The following CIRSR variants were observed in gnomAD, a reference collection of about 807,000 sequenced individuals.
CIRSR encodes the protein corepressor of RBPJ and splicing regulator, also known as CBF1 (RBPJ) interacting corepressor 1.
the CIRSR span, among the ~76,000 whole-genome samples, chr2:174,368,781 A>G: frequency 6.6e-6 from 1 of 152,240 alleles, no homozygotes; most frequent in African/African-American, 2.4e-5. Context: ...ATGAGCAGTA[A>G]GATTTTAAAA....
At chr2:174,384,901 C>CT in the CIRSR span, among the ~76,000 whole-genome samples, 1 of 152,022 alleles carries the variant, frequency 6.6e-6, no homozygotes, top group African/African-American at 2.4e-5. Context: ...TTGTATGTAT[C>CT]TAGACAGAAT....
the CIRSR span, among the ~76,000 whole-genome samples, chr2:174,373,805 T>C: frequency 4.9e-5 from 7 of 142,384 alleles, no homozygotes; most frequent in African/African-American, 1.8e-4. Flanking sequence ...TTACCACCTT[T>C]CCTTTTCCTC....
At chr2:174,351,794 G>A in the CIRSR span, 1 of 1,124,786 alleles carries the variant, frequency 8.9e-7, no homozygotes, top group Non-Finnish European at 1.3e-6. Context: ...TCCACAGTAG[G>A]AATGCAGTTG....
At chr2:174,395,644 A>G in the CIRSR span, 3 of 1,614,224 alleles carry the variant, frequency 1.9e-6, no homozygotes, top group South Asian at 3.3e-5. Context: ...AACTAGGGAA[A>G]GCAGGGGCTA....
At chr2:174,349,141 T>C in the CIRSR span, 258 of 1,483,290 alleles carry the variant, frequency 1.7e-4, 2 homozygotes, top group East Asian at 6.2e-3. Flanking sequence ...CTATCTTTTT[T>C]CTTTTTTTTC....
the CIRSR span, among the ~76,000 whole-genome samples, chr2:174,364,187 C>T: frequency 3.9e-5 from 6 of 152,278 alleles, no homozygotes; most frequent in East Asian, 1.2e-3. Flanking sequence ...CCATGCAAGT[C>T]CAAAATCCAG....
the CIRSR span, among the ~76,000 whole-genome samples, chr2:174,388,001 A>T: frequency 1.3e-5 from 2 of 152,240 alleles, no homozygotes; most frequent in African/African-American, 4.8e-5. Flanking sequence ...GCTAAAAAAA[A>T]GAAAAGGGCA....
chr2:174,377,970 G>GT, the CIRSR span, among the ~76,000 whole-genome samples: 1 of 152,066 alleles, frequency 6.6e-6, no homozygotes. Context: ...GCTGAAGAAC[G>GT]TATGTTGATT....
At chr2:174,349,294 C>T in the CIRSR span, 6 of 646,230 alleles carry the variant, frequency 9.3e-6, no homozygotes, top group South Asian at 5.5e-5. Flanking sequence ...TGGCAGAGCG[C>T]GCTGGCTCAT....
the CIRSR span, among the ~76,000 whole-genome samples, chr2:174,374,181 C>T: frequency 6.6e-6 from 1 of 152,232 alleles, no homozygotes; most frequent in Non-Finnish European, 1.5e-5. Flanking sequence ...CATTTAAAGT[C>T]ATCCAAGTTA....
chr2:174,379,321 C>T, the CIRSR span, among the ~76,000 whole-genome samples: 462 of 152,142 alleles, frequency 3.0e-3, 1 homozygote, highest in African/African-American at 0.011. Flanking sequence ...AGAATTAGGG[C>T]GTTATGTGAA....
the CIRSR span, among the ~76,000 whole-genome samples, chr2:174,384,893 G>C: frequency 6.6e-6 from 1 of 152,058 alleles, no homozygotes; most frequent in African/African-American, 2.4e-5. Context: ...TAAAATCTTT[G>C]TATGTATCTA....
At chr2:174,366,169 G>C in the CIRSR span, among the ~76,000 whole-genome samples, 1 of 151,900 alleles carries the variant, frequency 6.6e-6, no homozygotes. Context: ...TTCCCAAACT[G>C]AAAAGAGAGA....
At chr2:174,348,225 G>A in the CIRSR span, 1 of 358,298 alleles carries the variant, frequency 2.8e-6, no homozygotes, top group Non-Finnish European at 5.0e-6. Context: ...GTTTTTATCT[G>A]GTATGGGGAA....
chr2:174,393,072 A>G, the CIRSR span, among the ~76,000 whole-genome samples: 1 of 152,214 alleles, frequency 6.6e-6, no homozygotes, highest in Non-Finnish European at 1.5e-5. Flanking sequence ...GGAAAAGAAC[A>G]GTCTAATAAG....
At chr2:174,364,817 G>A in the CIRSR span, among the ~76,000 whole-genome samples, 9 of 152,296 alleles carry the variant, frequency 5.9e-5, no homozygotes, top group Admixed American at 5.9e-4. Flanking sequence ...CCCTGGGCCT[G>A]GCACACAAAA....
At chr2:174,387,695 A>G in the CIRSR span, 2 of 1,583,054 alleles carry the variant, frequency 1.3e-6, no homozygotes, top group Non-Finnish European at 1.7e-6. Flanking sequence ...CTATTATCAT[A>G]TGATTCTTGT....
At chr2:174,370,879 C>T in the CIRSR span, among the ~76,000 whole-genome samples, 8 of 150,078 alleles carry the variant, frequency 5.3e-5, no homozygotes, top group Admixed American at 2.7e-4. Flanking sequence ...CCACTGCAAT[C>T]CATCCTGGGT....
chr2:174,356,251 A>T, the CIRSR span, among the ~76,000 whole-genome samples: 1 of 151,976 alleles, frequency 6.6e-6, no homozygotes, highest in African/African-American at 2.4e-5. Flanking sequence ...GGATCGCCTG[A>T]GTCCAGGAGT....
Sources: allele counts gnomAD v4.1 joint callset (sites outside exome capture counted in the v4.1 genomes callset), GRCh38; gene constraint gnomAD v4.1.1; transcripts MANE v1.5; gene names NCBI Gene and HGNC (gene_info 2026-07-23, HGNC 2026-07-21).